The following MYO16 variants were observed in gnomAD, a reference collection of about 807,000 sequenced individuals.
MYO16 encodes the protein myosin XVI.
A neutral mutation model predicts 205.3 loss-of-function variants in MYO16; 94 were observed. That is an observed-to-expected ratio of 0.46 (90% CI 0.39 to 0.54). MYO16 has a LOEUF of 0.54. Ranked by LOEUF, MYO16 falls within the 20% of genes least tolerant of loss-of-function variation. The pLI, the probability that MYO16 is intolerant of heterozygous loss-of-function variation, is 0.00. For synonymous variants in MYO16, 988 were observed against 954.0 expected (o/e 1.04, Z -0.66); for missense variants, 2,315 against 2,387.5 (o/e 0.97, Z 0.63).
intron 4 of MYO16, among the ~76,000 whole-genome samples, chr13:108,773,435 G>T (rs932475683): frequency 6.6e-6 from 1 of 152,024 alleles, no homozygotes; most frequent in African/African-American, 2.4e-5. Context: ...AATCTCTAGG[G>T]GGACTCCCTC....
At chr13:109,066,934 G>T (rs1227291725) in intron 27 of MYO16, among the ~76,000 whole-genome samples, 1 of 151,990 alleles carries the variant, frequency 6.6e-6, no homozygotes, top group Non-Finnish European at 1.5e-5. Flanking sequence ...ATCTGGCTCG[G>T]ATCCTAATTT....
intron 12 of MYO16, among the ~76,000 whole-genome samples, chr13:108,873,545 G>A (rs571328582): frequency 8.5e-4 from 130 of 152,338 alleles, no homozygotes; most frequent in African/African-American, 2.8e-3. Flanking sequence ...CACCACTGCC[G>A]AGATGCGGGT....
chr13:108,927,923 C>A (rs970419414), intron 16 of MYO16, among the ~76,000 whole-genome samples: 21 of 152,248 alleles, frequency 1.4e-4, no homozygotes, highest in African/African-American at 5.1e-4. Flanking sequence ...TGCACCATCT[C>A]GCGCCACCAC....
At chr13:108,659,896 G>T (rs550260726) in intron 1 of MYO16, among the ~76,000 whole-genome samples, 1 of 152,210 alleles carries the variant, frequency 6.6e-6, no homozygotes, top group East Asian at 1.9e-4. Context: ...TTAGGAAATC[G>T]ATTAGTATAG....
chr13:108,606,258 T>C (rs1452461589), intron 1 of MYO16, among the ~76,000 whole-genome samples: 1 of 152,218 alleles, frequency 6.6e-6, no homozygotes, highest in Admixed American at 6.5e-5. Flanking sequence ...GAATCAAATG[T>C]TAATCACCAA....
At chr13:109,150,969 T>C (rs1193227015) in intron 32 of MYO16, among the ~76,000 whole-genome samples, 1 of 152,208 alleles carries the variant, frequency 6.6e-6, no homozygotes, top group Non-Finnish European at 1.5e-5. Context: ...GGGGTTTTCT[T>C]CCTTTTGTGA....
chr13:108,865,851 G>T (rs1878686186), intron 11 of MYO16, among the ~76,000 whole-genome samples: 1 of 151,848 alleles, frequency 6.6e-6, no homozygotes, highest in South Asian at 2.1e-4. Flanking sequence ...TAGGCATTTT[G>T]TCATATGTTT....
chr13:108,643,979 T>C (rs1252827436), intron 1 of MYO16, among the ~76,000 whole-genome samples: 1 of 152,172 alleles, frequency 6.6e-6, no homozygotes, highest in Non-Finnish European at 1.5e-5. Flanking sequence ...GGTAAACCAT[T>C]CTACTTTCAA....
At chr13:108,792,806 C>T (rs964157857) in intron 5 of MYO16, among the ~76,000 whole-genome samples, 4 of 152,034 alleles carry the variant, frequency 2.6e-5, no homozygotes, top group African/African-American at 9.7e-5. Flanking sequence ...CCCACAGTGC[C>T]CAGCCTAAAG....
chr13:108,698,614 G>T (rs1239546547), intron 2 of MYO16, among the ~76,000 whole-genome samples: 1 of 152,190 alleles, frequency 6.6e-6, no homozygotes, highest in African/African-American at 2.4e-5. Flanking sequence ...TGTGACCTCA[G>T]TTCCATAATG....
chr13:108,782,847 G>A (rs1004329942), intron 4 of MYO16, among the ~76,000 whole-genome samples: 6 of 152,194 alleles, frequency 3.9e-5, no homozygotes, highest in Non-Finnish European at 8.8e-5. Context: ...GAGCCTGCAG[G>A]TAGACAGAAG....
At chr13:108,662,402 G>C (rs1430866718) in intron 1 of MYO16, among the ~76,000 whole-genome samples, 1 of 152,200 alleles carries the variant, frequency 6.6e-6, no homozygotes, top group African/African-American at 2.4e-5. Flanking sequence ...GGACCATTAA[G>C]TGGGAACAAG....
At chr13:108,713,991 T>C (rs1883824805) in intron 3 of MYO16, among the ~76,000 whole-genome samples, 1 of 152,210 alleles carries the variant, frequency 6.6e-6, no homozygotes, top group African/African-American at 2.4e-5. Context: ...CACATTCTGC[T>C]AAGAGTCTTC....
chr13:109,127,276 C>G lies in MYO16; in HGVS notation c.3783-6C>G, dbSNP rs184507184. 2.6e-5 allele frequency: 41 copies of G among 1,570,024 alleles called. No individual in the cohort carries two copies. The African/African-American group carries it at 5.1e-4, about 20-fold the overall frequency. On this transcript the variant is annotated splice_region_variant and splice_polypyrimidine_tract_variant and intron_variant, in intron 30 of 34. Transcript: ENST00000457511. This position sits in a 1 kb window ranked among gnomAD's most constrained non-coding sequence, Gnocchi z 4.2. ...TGGTGCTGTTTGTGTTTTGTTTCCC[C>G]CTAAGAACCGATGACAAGAGTGGAC...
intron 28 of MYO16, among the ~76,000 whole-genome samples, chr13:109,113,424 C>A (rs1875504954): frequency 6.6e-6 from 1 of 152,074 alleles, no homozygotes; most frequent in African/African-American, 2.4e-5. Flanking sequence ...CTTTCAAAGG[C>A]ATTTGAACAT....
At chr13:108,882,119 T>C in intron 12 of MYO16, among the ~76,000 whole-genome samples, 1 of 152,194 alleles carries the variant, frequency 6.6e-6, no homozygotes, top group South Asian at 2.1e-4. Flanking sequence ...CATTTTAAAA[T>C]ACTTTTCTGG....
At chr13:109,014,430 G>T (rs1418269544) in intron 22 of MYO16, among the ~76,000 whole-genome samples, 1 of 152,124 alleles carries the variant, frequency 6.6e-6, no homozygotes, top group Non-Finnish European at 1.5e-5. Context: ...TTTTGCTTAG[G>T]GTTGTCTTGG....
At chr13:109,175,722 G>T (rs1017378153) in intron 33 of MYO16, among the ~76,000 whole-genome samples, 2 of 152,022 alleles carry the variant, frequency 1.3e-5, no homozygotes, top group African/African-American at 4.8e-5. Context: ...GGAGCAGTGG[G>T]GGCTTCTCAG....
intron 9 of MYO16, among the ~76,000 whole-genome samples, chr13:108,830,754 G>T (rs1033777432): frequency 1.3e-5 from 2 of 151,860 alleles, no homozygotes; most frequent in Non-Finnish European, 2.9e-5. Context: ...AAAACTTAAA[G>T]TATAATAATA....
Sources: allele counts gnomAD v4.1 joint callset (sites outside exome capture counted in the v4.1 genomes callset), GRCh38; gene constraint gnomAD v4.1.1; non-coding constraint Gnocchi (gnomAD v3.1); transcripts MANE v1.5; gene names NCBI Gene and HGNC (gene_info 2026-07-23, HGNC 2026-07-21).